Variants in USP53 observed in about 807,000 individuals in gnomAD.
USP53 encodes ubiquitin carboxyl-terminal hydrolase 53.
USP53 carries 71 observed loss-of-function variants against 94.9 expected under a neutral mutation model. That is an observed-to-expected ratio of 0.75 (90% CI 0.62 to 0.91). The LOEUF is 0.91. USP53 is among the 40% of genes least tolerant of loss of function. USP53 has a pLI of 0.00. For missense variants in USP53, 1,173 were observed against 1,281.0 expected, an observed-to-expected ratio of 0.92 and a Z score of 1.29; for synonymous variants, 375 against 422.7, an observed-to-expected ratio of 0.89 and a Z score of 1.39.
intron 10 of USP53, 56 bp from the exon 11 acceptor site, chr4:119,260,451 A>C: frequency 1.3e-6 from 2 of 1,512,382 alleles, no homozygotes; most frequent in Non-Finnish European, 1.8e-6. Flanking sequence ...CAAACTGTGT[A>C]AGGCTGCCTG....
At chr4:119,214,645 T>A (rs1216389885) in intron 2 of USP53, among the ~76,000 whole-genome samples, 1 of 151,920 alleles carries the variant, frequency 6.6e-6, no homozygotes, top group Non-Finnish European at 1.5e-5. Context: ...ACAATACTCT[T>A]AAGACCTGCC....
At chr4:119,245,917 A>G (rs924893700) in intron 6 of USP53, among the ~76,000 whole-genome samples, 2 of 152,244 alleles carry the variant, frequency 1.3e-5, no homozygotes, top group African/African-American at 4.8e-5. Context: ...GGAGTGTTGT[A>G]TAGGCAGGAA....
chr4:119,291,304 G>A (rs775986798), intron 18 of USP53, 43 bp downstream of exon 18: 26 of 1,315,682 alleles, frequency 2.0e-5, no homozygotes, highest in South Asian at 2.7e-5. Context: ...TTATAGGCAC[G>A]TTGTTTATCA....
intron 17 of USP53, among the ~76,000 whole-genome samples, chr4:119,280,335 G>A (rs1274131475): frequency 6.6e-6 from 1 of 151,944 alleles, no homozygotes; most frequent in Non-Finnish European, 1.5e-5. Context: ...ACCCAGATAG[G>A]CAGGAGTATC....
chr4:119,270,045 A>G (rs1159327994), intron 15 of USP53, among the ~76,000 whole-genome samples: 6 of 119,994 alleles, frequency 5.0e-5, no homozygotes, highest in Non-Finnish European at 1.1e-4. Context: ...TATAAATTAT[A>G]TATAATTTAT....
Position 119,291,198 on chromosome 4 carries a change from G to A in USP53, c.2285G>A (p.Gly762Asp). ...FRKELRNLEA[G>D]YKSHEFHPES... ...AAAGAACTCAGGAATTTGGAAGCAG[G>A]CTATAAATCTCATGAATTCCACCCA... The change falls in exon 18 of 19, where the codon GGC (glycine) becomes GAC (aspartate). Residue 762 changes from glycine to aspartate, a missense_variant. Coordinates refer to ENST00000692078, the MANE Select transcript of USP53 (RefSeq NM_001371395.1). 1 of 1,579,004 alleles carries A rather than the reference G, an allele frequency of 6.3e-7. No individual in the cohort carries two copies. The highest frequency in any genetic ancestry group is 8.6e-7 in the Non-Finnish European group (1 of 1,162,660).
At position 119,256,360 on chromosome 4, in the gene USP53, G is replaced by T; in HGVS notation, c.486+1G>T. The T allele has an allele frequency of 2.5e-6, 4 of 1,613,610 alleles. No homozygotes were observed. The highest frequency in any genetic ancestry group is 3.4e-6 in the Non-Finnish European group (4 of 1,179,658). On this transcript the variant is annotated splice_donor_variant, in intron 8 of 18. Coordinates refer to ENST00000692078, the MANE Select transcript of USP53 (RefSeq NM_001371395.1). LOFTEE classifies it high-confidence loss of function. ...GTTTGCTATGACTCTGTATGAACAG[G>T]TGAGATGGCTTGATTATTATTTAGA...
chr4:119,257,252 G>A (rs1749892606), intron 9 of USP53, among the ~76,000 whole-genome samples: 1 of 152,154 alleles, frequency 6.6e-6, no homozygotes, highest in African/African-American at 2.4e-5. Context: ...GACCAGCCTG[G>A]CCAAGATGGT....
At chr4:119,280,055 C>T (rs866400643) in intron 17 of USP53, among the ~76,000 whole-genome samples, 1 of 152,192 alleles carries the variant, frequency 6.6e-6, no homozygotes, top group African/African-American at 2.4e-5. Context: ...AGAAATCACC[C>T]GTCTTCTGCG....
intron 3 of USP53, among the ~76,000 whole-genome samples, chr4:119,230,657 G>A (rs1745940186): frequency 6.6e-6 from 1 of 152,064 alleles, no homozygotes; most frequent in Admixed American, 6.5e-5. Context: ...GGTGTAACTG[G>A]GCAAAACACA....
At position 119,271,543 on chromosome 4, in the gene USP53, C is replaced by CCT. The variant is rs752985821; in HGVS notation, c.1683_1684insCT (p.Ser562LeufsTer27). On this transcript the variant is annotated frameshift_variant, in exon 16 of 19. Transcript: ENST00000692078. LOFTEE classifies it high-confidence loss of function. ...ACAATGGCACTGGATATGACACAGA[C>CCT]AGCAGCCAAGATTCTAGGGATAGAG... The CCT allele has an allele frequency of 1.2e-6, 2 of 1,613,726 alleles. No homozygotes were observed. The highest frequency in any genetic ancestry group is 1.7e-5 in the Admixed American group (1 of 60,012).
chr4:119,233,433 A>G (rs945690782), intron 3 of USP53, among the ~76,000 whole-genome samples: 3 of 152,088 alleles, frequency 2.0e-5, no homozygotes, highest in African/African-American at 7.2e-5. Context: ...AATCATTTCT[A>G]GAGATATTTA....
chr4:119,213,877 C>A (rs955475650), intron 1 of USP53, among the ~76,000 whole-genome samples, 193 bp from the exon 2 acceptor site: 3 of 125,768 alleles, frequency 2.4e-5, no homozygotes, highest in Admixed American at 1.7e-4. Flanking sequence ...CTCCAAAAAA[C>A]AAACAAACAA....
Position 119,239,620 on chromosome 4 carries a change from G to T in USP53, c.-140G>T. 1.0e-6 allele frequency: 1 copy of T among 990,564 alleles called. No homozygotes were observed. Among genetic ancestry groups the T allele is most frequent in the South Asian group, 2.1e-5 (1 of 48,446 alleles). The allele number at this position is 990,564 out of a possible 1,614,324, so 61.4% of individuals were successfully genotyped here. On this transcript the variant is annotated 5_prime_UTR_variant, in exon 5 of 19. Coordinates refer to ENST00000692078, the MANE Select transcript of USP53 (RefSeq NM_001371395.1). The stretch of plus-strand genomic sequence containing the variant: ...TTTAAGAGTTTATAACATCAGGAAA[G>T]ATATGGACTTGGAAACTTACATTAT...
intron 5 of USP53, among the ~76,000 whole-genome samples, chr4:119,241,870 C>T (rs1283733966): frequency 6.6e-6 from 1 of 152,162 alleles, no homozygotes; most frequent in Non-Finnish European, 1.5e-5. Flanking sequence ...AGTTGTTCCA[C>T]AGCTTACTGA....
chr4:119,226,507 A>G (rs545120400), intron 3 of USP53, among the ~76,000 whole-genome samples: 26 of 152,326 alleles, frequency 1.7e-4, no homozygotes, highest in African/African-American at 5.8e-4. Context: ...AACATCATTT[A>G]CTATAATGTC....
At chr4:119,249,660 A>ATT (rs142005756) in intron 7 of USP53, among the ~76,000 whole-genome samples, 52 of 99,712 alleles carry the variant, frequency 5.2e-4, no homozygotes, top group Non-Finnish European at 6.1e-4. Flanking sequence ...TTTATGTCCT[A>ATT]TTTTTTTTTT....
chr4:119,255,786 C>T (rs1253711508), intron 7 of USP53, among the ~76,000 whole-genome samples: 1 of 152,190 alleles, frequency 6.6e-6, no homozygotes, highest in Non-Finnish European at 1.5e-5. Flanking sequence ...ATGAGATGAA[C>T]CAGGTACCTC....
At chr4:119,287,325 T>C (rs72676012) in intron 17 of USP53, among the ~76,000 whole-genome samples, 5,940 of 152,158 alleles carry the variant, frequency 0.039, 175 homozygotes, top group Non-Finnish European at 0.061. Flanking sequence ...ATCTTAAGTT[T>C]TTATTATTTA....
Sources: gnomAD v4.1 joint callset for allele counts (sites outside exome capture counted in the v4.1 genomes callset) on GRCh38, gnomAD v4.1.1 for gene constraint, MANE v1.5 for transcripts, NCBI Gene and HGNC (gene_info 2026-07-23, HGNC 2026-07-21) for gene names.